The following PTCSC3 variants were observed in gnomAD, a reference collection of about 807,000 sequenced individuals.
PTCSC3 encodes the protein papillary thyroid carcinoma susceptibility candidate 3 (non-protein coding).
chr14:36,153,580 CAT>C (rs770427814), intron 3 of PTCSC3, among the ~76,000 whole-genome samples: 6 of 152,148 alleles, frequency 3.9e-5, no homozygotes, highest in Non-Finnish European at 8.8e-5. Flanking sequence ...AACGCTAAAA[CAT>C]GTATTCTTTG....
upstream of PTCSC3, chr14:36,176,557 T>A (rs1417090065): frequency 6.6e-6 from 1 of 152,140 alleles, no homozygotes; most frequent in African/African-American, 2.4e-5. Flanking sequence ...CATCACCAAT[T>A]TATCCTGTTC....
intron 3 of PTCSC3, among the ~76,000 whole-genome samples, chr14:36,142,924 T>C (rs1394614342): frequency 6.6e-6 from 1 of 151,692 alleles, no homozygotes; most frequent in Non-Finnish European, 1.5e-5. Flanking sequence ...TTTTTGTTAT[T>C]GCGATAGTTT....
intron 1 of PTCSC3, among the ~76,000 whole-genome samples, chr14:36,171,836 C>T (rs1274923270): frequency 6.6e-6 from 1 of 152,106 alleles, no homozygotes; most frequent in Admixed American, 6.6e-5. Flanking sequence ...CCTCAATAAG[C>T]TCTTGACATA....
At chr14:36,168,532 T>G (rs893849184) in intron 1 of PTCSC3, among the ~76,000 whole-genome samples, 6 of 151,880 alleles carry the variant, frequency 4.0e-5, no homozygotes, top group African/African-American at 1.5e-4. Flanking sequence ...GTAGCATAAC[T>G]AGAGTACTGT....
intron 1 of PTCSC3, among the ~76,000 whole-genome samples, chr14:36,173,045 A>C (rs1018782400): frequency 2.0e-5 from 3 of 152,118 alleles, no homozygotes; most frequent in Admixed American, 1.3e-4. Context: ...TGGAATTACC[A>C]GAACAAAGGC....
intron 1 of PTCSC3, among the ~76,000 whole-genome samples, chr14:36,173,101 TTTAA>T (rs561915142): frequency 2.1e-3 from 323 of 152,288 alleles, no homozygotes; most frequent in Middle Eastern, 6.8e-3. Context: ...GCAGATAAAC[TTTAA>T]TTAGTCTTGT....
chr14:36,147,879 C>G (rs1293832974), intron 3 of PTCSC3, among the ~76,000 whole-genome samples: 1 of 151,956 alleles, frequency 6.6e-6, no homozygotes, highest in African/African-American at 2.4e-5. Context: ...TTCCTTCTAA[C>G]AGACAGGACC....
rs1466999052 is a variant in PTCSC3 at position 36,140,768 on chromosome 14, A to G, written n.323-4412T>C. Among the ~76,000 whole-genome samples, 4 of 152,162 alleles carry G rather than the reference A, an allele frequency of 2.6e-5. No individual in the cohort carries two copies. The East Asian group carries it at 7.7e-4, about 29-fold the overall frequency. On this transcript the variant is annotated intron_variant and non_coding_transcript_variant, in intron 3 of 3. Transcript: ENST00000556013. ...AATGAAGTCCAACTTGATTTCTTTT[A>G]TGGATTGTACCTTTGATGTTCTAAA...
At chr14:36,174,614 T>G (rs1322477812) in intron 1 of PTCSC3, among the ~76,000 whole-genome samples, 1 of 152,216 alleles carries the variant, frequency 6.6e-6, no homozygotes, top group African/African-American at 2.4e-5. Flanking sequence ...TAATGGCTTA[T>G]TACTTTAACT....
chr14:36,173,067 T>C (rs1208248790), intron 1 of PTCSC3, among the ~76,000 whole-genome samples: 3 of 151,954 alleles, frequency 2.0e-5, no homozygotes, highest in Non-Finnish European at 2.9e-5. Context: ...ACAAAAGAAA[T>C]AGTAGGCCCT....
intron 3 of PTCSC3, among the ~76,000 whole-genome samples, chr14:36,148,131 GC>G (rs1240565934): frequency 1.3e-5 from 2 of 152,012 alleles, no homozygotes; most frequent in African/African-American, 2.4e-5. Flanking sequence ...TCTGTGCCCT[GC>G]CCCCAGAGAT....
intron 1 of PTCSC3, among the ~76,000 whole-genome samples, chr14:36,172,115 G>A (rs539305773): frequency 3.3e-5 from 5 of 152,282 alleles, no homozygotes; most frequent in Admixed American, 3.3e-4. Flanking sequence ...ATCATTAGAA[G>A]GCTTTTGTGC....
intron 1 of PTCSC3, among the ~76,000 whole-genome samples, chr14:36,170,406 T>A (rs190229687): frequency 2.3e-4 from 35 of 152,276 alleles, no homozygotes; most frequent in Non-Finnish European, 4.4e-5. Flanking sequence ...CATTTGCTCA[T>A]TGGCGTTGAA....
At chr14:36,170,423 C>T (rs2139113373) in intron 1 of PTCSC3, among the ~76,000 whole-genome samples, 1 of 152,178 alleles carries the variant, frequency 6.6e-6, no homozygotes, top group African/African-American at 2.4e-5. Context: ...TGAAACTAAA[C>T]ATTGGTTTTG....
intron 1 of PTCSC3, among the ~76,000 whole-genome samples, chr14:36,164,805 G>A (rs1223905722): frequency 1.3e-5 from 2 of 152,124 alleles, no homozygotes; most frequent in Non-Finnish European, 2.9e-5. Context: ...AGAGATTCCT[G>A]TAGAACATTA....
chr14:36,138,517 A>C (rs929549384), intron 3 of PTCSC3, among the ~76,000 whole-genome samples: 1 of 152,222 alleles, frequency 6.6e-6, no homozygotes, highest in Non-Finnish European at 1.5e-5. Context: ...CTCACTAAAA[A>C]ATTTGGCAAA....
chr14:36,158,610 A>G (rs1408984331), intron 2 of PTCSC3, among the ~76,000 whole-genome samples: 1 of 152,180 alleles, frequency 6.6e-6, no homozygotes, highest in Admixed American at 6.5e-5. Context: ...AGCCAGCTTG[A>G]TCATGGTGGA....
chr14:36,146,491 CT>C (rs1178118930), intron 3 of PTCSC3, among the ~76,000 whole-genome samples: 1 of 151,126 alleles, frequency 6.6e-6, no homozygotes, highest in Non-Finnish European at 1.5e-5. Context: ...CAACCCCTGC[CT>C]TTTTTTGTTT....
At chr14:36,173,604 TTCTATAATGATA>T (rs1433039696) in intron 1 of PTCSC3, among the ~76,000 whole-genome samples, 4 of 143,012 alleles carry the variant, frequency 2.8e-5, no homozygotes, top group African/African-American at 1.0e-4. Context: ...GGAACTTCAG[TTCTATAATGATA>T]TCTATCTTCA....
Sources: allele counts gnomAD v4.1 joint callset (sites outside exome capture counted in the v4.1 genomes callset), GRCh38; gene constraint gnomAD v4.1.1; transcripts MANE v1.5; gene names NCBI Gene and HGNC (gene_info 2026-07-23, HGNC 2026-07-21).